Variants in MYOM1 observed in about 807,000 individuals in gnomAD.
The protein encoded by MYOM1 is myomesin 1, also known as myomesin-1.
A neutral mutation model predicts 205.3 loss-of-function variants in MYOM1; 164 were observed. The ratio of observed to expected loss-of-function variants is 0.80; its 90% confidence interval spans 0.70 to 0.91. The LOEUF (loss-of-function observed/expected upper bound fraction) is 0.91. MYOM1 is among the 40% of genes least tolerant of loss of function. MYOM1 has a pLI of 0.00. For synonymous variants in MYOM1, 772 were observed against 789.4 expected (o/e 0.98, Z 0.37); for missense variants, 2,011 against 2,127.3 (o/e 0.95, Z 1.08).
At position 3,101,121 on chromosome 18, in the gene MYOM1, C is replaced by A. The variant is rs181655671; in HGVS notation, c.3576-695G>T. On this transcript the variant is annotated intron_variant, in intron 23 of 37. Transcript: ENST00000356443. ...ATCGTTCAATTATCTTTTCTTGGGGCAAATGTGTTTTATGTCAAGAAATTT... is the reference window on the plus strand; with the variant it reads ...ATCGTTCAATTATCTTTTCTTGGGGAAAATGTGTTTTATGTCAAGAAATTT... Among the ~76,000 whole-genome samples, 415 of 152,258 alleles carry A rather than the reference C, an allele frequency of 2.7e-3. 2 individuals carry two copies. The highest frequency in any genetic ancestry group is 9.0e-3 in the African/African-American group (373 of 41,566).
At chr18:3,147,910 G>A (rs770373186) in intron 13 of MYOM1, among the ~76,000 whole-genome samples, 71 of 151,928 alleles carry the variant, frequency 4.7e-4, no homozygotes, top group Admixed American at 2.6e-4. Flanking sequence ...ATTTCCAGGG[G>A]GAAAAAAACA....
intron 2 of MYOM1, among the ~76,000 whole-genome samples, chr18:3,212,848 G>A (rs184842088): frequency 2.1e-4 from 32 of 152,234 alleles, no homozygotes; most frequent in South Asian, 8.3e-4. Context: ...GAAGCAGTTC[G>A]TCTGAGGCAA....
At chr18:3,140,017 G>A (rs1425890302) in intron 14 of MYOM1, among the ~76,000 whole-genome samples, 2 of 152,184 alleles carry the variant, frequency 1.3e-5, no homozygotes, top group Non-Finnish European at 2.9e-5. Context: ...TTCCTGTGGA[G>A]TGTTTCAAAG....
At chr18:3,118,086 C>T (rs1270721342) in intron 20 of MYOM1, among the ~76,000 whole-genome samples, 1 of 152,174 alleles carries the variant, frequency 6.6e-6, no homozygotes, top group Non-Finnish European at 1.5e-5. Flanking sequence ...GTTTCCTACC[C>T]TAATTATGCT....
intron 29 of MYOM1, among the ~76,000 whole-genome samples, chr18:3,086,770 AT>A (rs1285451764): frequency 6.6e-6 from 1 of 152,002 alleles, no homozygotes; most frequent in Admixed American, 6.6e-5. Context: ...CAATGCTTGA[AT>A]TTTTTTTACA....
intron 8 of MYOM1, among the ~76,000 whole-genome samples, chr18:3,169,372 G>C (rs1259856182): frequency 6.6e-6 from 1 of 152,092 alleles, no homozygotes; most frequent in African/African-American, 2.4e-5. Context: ...GGACAAAATA[G>C]CCATATCCAT....
At chr18:3,236,998 T>C in the MYOM1 span, among the ~76,000 whole-genome samples, 553 of 152,124 alleles carry the variant, frequency 3.6e-3, 4 homozygotes, top group African/African-American at 0.013. Context: ...CTAATACTAT[T>C]TGAGAACTGT....
chr18:3,084,070 C>A (rs1199254368), intron 31 of MYOM1, 43 bp from the exon 32 acceptor site: 44 of 1,551,356 alleles, frequency 2.8e-5, no homozygotes, highest in Non-Finnish European at 3.8e-5. Flanking sequence ...CATAAAAATT[C>A]TCAATGTAAG....
chr18:3,119,852 AG>A lies in MYOM1; in HGVS notation c.3118+16del. On this transcript the variant is annotated intron_variant, in intron 20 of 37. Coordinates refer to ENST00000356443, the MANE Select transcript of MYOM1 (RefSeq NM_003803.4). ...AAATTCCGAGGTGCGGTGTGGAGGC[AG>A]GTGTCTGTGGTTTACCTGGGACGGC... The A allele has an allele frequency of 6.3e-7, 1 of 1,591,596 alleles. No homozygotes were observed. Among genetic ancestry groups the A allele is most frequent in the Non-Finnish European group, 8.6e-7 (1 of 1,165,734 alleles).
At chr18:3,197,206 G>A (rs868293691) in intron 2 of MYOM1, among the ~76,000 whole-genome samples, 73 of 149,862 alleles carry the variant, frequency 4.9e-4, no homozygotes, top group African/African-American at 1.5e-3. Flanking sequence ...GCGCGATCTC[G>A]GCTCACTGCA....
intron 18 of MYOM1, among the ~76,000 whole-genome samples, chr18:3,128,422 C>A (rs1037636440): frequency 6.6e-6 from 1 of 152,162 alleles, no homozygotes. Flanking sequence ...AACAATGTCT[C>A]CTAGGATATA....
chr18:3,086,287 T>C, intron 29 of MYOM1, 136 bp from the exon 30 acceptor site: 1 of 490,684 alleles, frequency 2.0e-6, no homozygotes, highest in South Asian at 4.4e-5. Context: ...TCTAAAGGAA[T>C]GAATTGAAAA....
At chr18:3,092,903 T>G (rs1268681298) in intron 26 of MYOM1, among the ~76,000 whole-genome samples, 1 of 152,106 alleles carries the variant, frequency 6.6e-6, no homozygotes, top group East Asian at 1.9e-4. Flanking sequence ...CTTGAACACG[T>G]GAAGGGGAGT....
rs577594639 is a variant in MYOM1, at chr18:3,197,015, G to A, written c.291-3057C>T. On this transcript the variant is annotated intron_variant, in intron 2 of 37. Coordinates refer to ENST00000356443, the MANE Select transcript of MYOM1 (RefSeq NM_003803.4). ...TGACAGATGTGGAAAGCAAAGCCTG[G>A]AGAGTGTTTGTAACTCACCCATGCT... Among the ~76,000 whole-genome samples the A allele has an allele frequency of 1.2e-4, 18 of 152,342 alleles. No homozygotes were observed. The South Asian group carries it at 3.5e-3, about 30-fold the overall frequency.
intron 9 of MYOM1, among the ~76,000 whole-genome samples, chr18:3,167,168 T>C (rs1167394963): frequency 1.3e-5 from 2 of 152,288 alleles, no homozygotes; most frequent in Admixed American, 6.5e-5. Context: ...ACAGACAATA[T>C]AAAAGGAGGC....
At position 3,219,624 on chromosome 18, in the gene MYOM1, C is replaced by G. The variant is rs1356860133; in HGVS notation, c.-29+179G>C. Among the ~76,000 whole-genome samples, 1 of 152,246 alleles carries G rather than the reference C, an allele frequency of 6.6e-6. No individual in the cohort carries two copies. Among genetic ancestry groups the G allele is most frequent in the Non-Finnish European group, 1.5e-5 (1 of 68,044 alleles). ...TGAGAGAAGAGCTGTGCCAGCCCGA[C>G]TGGCACCCGGCTGTTCTGGTTTCCC... On this transcript the variant is annotated intron_variant, in intron 1 of 37. Coordinates refer to ENST00000356443, the MANE Select transcript of MYOM1 (RefSeq NM_003803.4). The surrounding 1 kb of genome is among the most constrained non-coding windows in gnomAD (Gnocchi z 4.4).
intron 18 of MYOM1, among the ~76,000 whole-genome samples, chr18:3,128,191 T>G (rs1391708921): frequency 6.6e-6 from 1 of 152,198 alleles, no homozygotes; most frequent in African/African-American, 2.4e-5. Flanking sequence ...CCTTTATTCC[T>G]CACATTTTAA....
the MYOM1 span, among the ~76,000 whole-genome samples, chr18:3,235,916 A>T: frequency 6.6e-6 from 1 of 152,244 alleles, no homozygotes; most frequent in Non-Finnish European, 1.5e-5. Context: ...CTGAAGAAAG[A>T]GCATTGAAAT....
intron 33 of MYOM1, among the ~76,000 whole-genome samples, chr18:3,081,201 A>C (rs1159350198): frequency 2.0e-5 from 3 of 152,154 alleles, no homozygotes; most frequent in Non-Finnish European, 4.4e-5. Flanking sequence ...AATCTGTTTT[A>C]AATCTTTAAT....
Sources: gnomAD v4.1 joint callset for allele counts (sites outside exome capture counted in the v4.1 genomes callset) on GRCh38, gnomAD v4.1.1 for gene constraint, Gnocchi (gnomAD v3.1) non-coding constraint, MANE v1.5 for transcripts, NCBI Gene and HGNC (gene_info 2026-07-23, HGNC 2026-07-21) for gene names.